The following ZNF662 variants were observed in gnomAD, a reference collection of about 807,000 sequenced individuals.
ZNF662 encodes zinc finger protein 662.
A neutral mutation model predicts 12.4 loss-of-function variants in ZNF662; 14 were observed. The ratio of observed to expected loss-of-function variants is 1.13; its 90% CI spans 0.75 to 1.77. The LOEUF (loss-of-function observed/expected upper bound fraction) is 1.77. Ranked by LOEUF, ZNF662 falls within the 40% of genes most tolerant of loss-of-function variation. The pLI is 0.00. For synonymous variants in ZNF662, 184 were observed against 176.4 expected (o/e 1.04, Z -0.34); for missense variants, 550 against 515.6 (o/e 1.07, Z -0.65).
intron 3 of ZNF662, among the ~76,000 whole-genome samples, chr3:42,911,374 G>A (rs1217878843): frequency 1.3e-5 from 2 of 152,202 alleles, no homozygotes; most frequent in Non-Finnish European, 2.9e-5. Flanking sequence ...ACAGTGGGGA[G>A]TAGTGGAAGG....
chr3:42,912,693 A>ATTTT (rs55883208), intron 3 of ZNF662, among the ~76,000 whole-genome samples: 11 of 53,094 alleles, frequency 2.1e-4, no homozygotes, highest in Non-Finnish European at 3.1e-4. Context: ...ATATATATAT[A>ATTTT]TTTTATATAT....
At position 42,913,318 on chromosome 3, in the gene ZNF662, A is replaced by G. The variant is rs565673453; in HGVS notation, c.253+16A>G. 2.5e-6 allele frequency: 4 copies of G among 1,580,560 alleles called. No individual in the cohort carries two copies. In the African/African-American group the frequency reaches 4.0e-5, roughly 16 times the overall value. On this transcript the variant is annotated intron_variant, in intron 4 of 4. Transcript: ENST00000440367. ...ATTTGTCCGGGTAAGTGAGAGGGAA[A>G]TGAGCATTCTTCTCTCAGTCACATC...
chr3:42,907,650 C>G lies in ZNF662; in HGVS notation c.-93-372C>G, dbSNP rs2088702241. 1.8e-5 allele frequency: 18 copies of G among 980,008 alleles called. No homozygotes were observed. In the South Asian group the frequency reaches 6.1e-4, roughly 33 times the overall value. The allele number at this position is 980,008 out of a possible 1,614,324, so 60.7% of individuals were successfully genotyped here. On this transcript the variant is annotated intron_variant, in intron 1 of 4. Transcript: ENST00000440367. ...ATATATGTCAAGTGCTTGGCACAGGCTTAATAAATGATAGTTGTTATCAAG... is the reference window on the plus strand; with the variant it reads ...ATATATGTCAAGTGCTTGGCACAGGGTTAATAAATGATAGTTGTTATCAAG...
chr3:42,914,148 G>A (rs1042726778), intron 4 of ZNF662, among the ~76,000 whole-genome samples, 179 bp from the exon 5 acceptor site: 2 of 148,504 alleles, frequency 1.3e-5, no homozygotes, highest in African/African-American at 5.0e-5. Context: ...TCTAGTTGCT[G>A]TCTTTACTTT....
In ZNF662 at chr3:42,912,541, A is replaced by G. The variant is rs13079888; in HGVS notation, c.152-660A>G. Reference sequence around the variant, plus strand: ...ATTTAATATATAAATACATATATTTATATATTTAATATAAATATATATATA... The same window carrying G: ...ATTTAATATATAAATACATATATTTGTATATTTAATATAAATATATATATA... On this transcript the variant is annotated intron_variant, in intron 3 of 4. Coordinates refer to ENST00000440367, the MANE Select transcript of ZNF662 (RefSeq NM_207404.4). 5.9e-5 allele frequency among the ~76,000 whole-genome samples: 2 copies of G among 33,960 alleles called. 1 individual carries two copies. Among genetic ancestry groups the G allele is most frequent in the South Asian group, 4.7e-3 (2 of 428 alleles). The allele number at this position is 33,960 out of a possible 152,430, so 22.3% of individuals were successfully genotyped here. A position where few individuals can be genotyped will look rare whatever the true frequency, so the allele number is the denominator to read the frequency against.
chr3:42,914,025 G>A (rs2088864633), intron 4 of ZNF662, among the ~76,000 whole-genome samples: 1 of 151,648 alleles, frequency 6.6e-6, no homozygotes, highest in African/African-American at 2.4e-5. Flanking sequence ...ACTGTACTCA[G>A]CTACCTAGGA....
chr3:42,906,506 G>T lies in ZNF662; in HGVS notation c.-94+338G>T. 2 of 1,340,850 alleles carry T rather than the reference G, an allele frequency of 1.5e-6. No individual in the cohort carries two copies. Among genetic ancestry groups the T allele is most frequent in the Admixed American group, 3.4e-5 (1 of 29,612 alleles). The allele number at this position is 1,340,850 out of a possible 1,614,324, so 83.1% of individuals were successfully genotyped here. On this transcript the variant is annotated intron_variant, in intron 1 of 4. Coordinates refer to ENST00000440367, the MANE Select transcript of ZNF662 (RefSeq NM_207404.4). This position sits in a 1 kb window ranked among gnomAD's most constrained non-coding sequence, Gnocchi z 4.4. ...GCCCTGGGTTCTAGGCCCGGAGACGGGGTGGTGCGGCGGCTGGGAAATGGG... is the reference window on the plus strand; with the variant it reads ...GCCCTGGGTTCTAGGCCCGGAGACGTGGTGGTGCGGCGGCTGGGAAATGGG...
At position 42,915,976 on chromosome 3, in the gene ZNF662, T is replaced by G. The variant is rs913077682; in HGVS notation, c.*622T>G. On this transcript the variant is annotated 3_prime_UTR_variant, in exon 5 of 5. Coordinates refer to ENST00000440367, the MANE Select transcript of ZNF662 (RefSeq NM_207404.4). Reference sequence around the variant, plus strand: ...TCTTTTAATCTTAACCCCAGCTAAATGACTCTGAGGACCAACAGTACATTT... The same window carrying G: ...TCTTTTAATCTTAACCCCAGCTAAAGGACTCTGAGGACCAACAGTACATTT... 2.6e-5 allele frequency: 4 copies of G among 152,156 alleles called. No homozygotes were observed. Among genetic ancestry groups the G allele is most frequent in the African/African-American group, 9.6e-5 (4 of 41,454 alleles). The allele number at this position is 152,156 out of a possible 1,614,324, so 9.4% of individuals were successfully genotyped here.
Position 42,917,301 on chromosome 3 carries a change from A to C in ZNF662, c.*1947A>C, listed in dbSNP as rs919734387. On this transcript the variant is annotated 3_prime_UTR_variant, in exon 5 of 5. Coordinates refer to ENST00000440367, the MANE Select transcript of ZNF662 (RefSeq NM_207404.4). ...ATCCCATCCCCTTGGCCACAGAGCCATTGTGATATGAGGAGATACTGGCTC... is the reference window on the plus strand; with the variant it reads ...ATCCCATCCCCTTGGCCACAGAGCCCTTGTGATATGAGGAGATACTGGCTC... 4 of 575,410 alleles carry C rather than the reference A, an allele frequency of 7.0e-6. No individual in the cohort carries two copies. The highest frequency in any genetic ancestry group is 5.7e-5 in the African/African-American group (3 of 52,752). The allele number at this position is 575,410 out of a possible 1,614,324, so 35.6% of individuals were successfully genotyped here. A position where few individuals can be genotyped will look rare whatever the true frequency, so the allele number is the denominator to read the frequency against.
intron 3 of ZNF662, among the ~76,000 whole-genome samples, chr3:42,910,834 A>AT (rs2088777257): frequency 6.6e-6 from 1 of 152,172 alleles, no homozygotes; most frequent in Admixed American, 6.5e-5. Context: ...GTCTTTTCAT[A>AT]TTAGAATACT....
rs1297708857 is a variant in ZNF662 at position 42,918,561 on chromosome 3, G to T, written c.*3207G>T. On this transcript the variant is annotated 3_prime_UTR_variant, in exon 5 of 5. Transcript: ENST00000440367. ...ATGGGCATGTTTAGGCAATCCCCCT[G>T]TGCACAATGACCTGGGCAGCATTTG... Among the ~76,000 whole-genome samples the T allele has an allele frequency of 1.3e-5, 2 of 152,156 alleles. No homozygotes were observed. Among genetic ancestry groups the T allele is most frequent in the Non-Finnish European group, 2.9e-5 (2 of 68,032 alleles).
At chr3:42,914,125 C>T (rs978696495) in intron 4 of ZNF662, among the ~76,000 whole-genome samples, 4 of 148,734 alleles carry the variant, frequency 2.7e-5, no homozygotes, top group East Asian at 3.9e-4. Context: ...AATCATAGCC[C>T]GCAGGGATTC....
chr3:42,914,050 G>T (rs1304664632), intron 4 of ZNF662, among the ~76,000 whole-genome samples: 1 of 151,148 alleles, frequency 6.6e-6, no homozygotes, highest in Non-Finnish European at 1.5e-5. Flanking sequence ...TTCTGACTTT[G>T]TTTTCCTTAG....
chr3:42,915,360 G>A lies in ZNF662; in HGVS notation c.*6G>A. On this transcript the variant is annotated 3_prime_UTR_variant, in exon 5 of 5. Coordinates refer to ENST00000440367, the MANE Select transcript of ZNF662 (RefSeq NM_207404.4). Reference sequence around the variant, plus strand: ...CTCACCTTCTTGAACATTAGAGAGTGCATAATGGTGATACTTGTTTATAAT... The same window carrying A: ...CTCACCTTCTTGAACATTAGAGAGTACATAATGGTGATACTTGTTTATAAT... 1 of 1,535,904 alleles carries A rather than the reference G, an allele frequency of 6.5e-7. No homozygotes were observed.
chr3:42,917,743 C>T lies in ZNF662; in HGVS notation c.*2389C>T. On this transcript the variant is annotated 3_prime_UTR_variant, in exon 5 of 5. Transcript: ENST00000440367. ...TACAGCTCCTCAGTGTCACCTTTTC[C>T]TCTTGCTCAGTAGTCTCATAAGCTT... is the stretch of plus-strand genomic sequence containing the variant. 1.7e-6 allele frequency: 1 copy of T among 600,808 alleles called. No individual in the cohort carries two copies. Among genetic ancestry groups the T allele is most frequent in the Non-Finnish European group, 2.9e-6 (1 of 340,578 alleles). The allele number at this position is 600,808 out of a possible 1,614,324, so 37.2% of individuals were successfully genotyped here. A position where few individuals can be genotyped will look rare whatever the true frequency, so the allele number is the denominator to read the frequency against.
In ZNF662 at chr3:42,913,093, C is replaced by T. The variant is rs926279714; in HGVS notation, c.152-108C>T. On this transcript the variant is annotated intron_variant, in intron 3 of 4. Coordinates refer to ENST00000440367, the MANE Select transcript of ZNF662 (RefSeq NM_207404.4). ...ATTTCTGCTTATCTATGTTACCAAT[C>T]TTTTCACCCACCTTTATTCTCTCCC... 6.9e-5 allele frequency: 52 copies of T among 758,168 alleles called. 1 individual carries two copies. Among genetic ancestry groups the T allele is most frequent in the South Asian group, 3.8e-4 (24 of 62,408 alleles). 47.0% of individuals were successfully genotyped at this position (758,168 alleles called of 1,614,324 possible). A position where few individuals can be genotyped will look rare whatever the true frequency, so the allele number is the denominator to read the frequency against.
chr3:42,912,339 TATATATC>T (rs1369466436), intron 3 of ZNF662, among the ~76,000 whole-genome samples: 5 of 107,554 alleles, frequency 4.6e-5, no homozygotes, highest in African/African-American at 7.5e-5. Context: ...TTATATATGA[TATATATC>T]ATATATAATT....
chr3:42,917,594 A>G lies in ZNF662; in HGVS notation c.*2240A>G, dbSNP rs759505851. The G allele has an allele frequency of 8.2e-5, 57 of 694,864 alleles. No homozygotes were observed. In the South Asian group the frequency reaches 8.4e-4, roughly 10 times the overall value. 43.0% of individuals were successfully genotyped at this position (694,864 alleles called of 1,614,324 possible). A position where few individuals can be genotyped will look rare whatever the true frequency, so the allele number is the denominator to read the frequency against. On this transcript the variant is annotated 3_prime_UTR_variant, in exon 5 of 5. Coordinates refer to ENST00000440367, the MANE Select transcript of ZNF662 (RefSeq NM_207404.4). ...ACCAAGCTTTACCTGAAGCAGAGCT[A>G]CCTCAGAACTTTTCAGCTATGTGAG...
At chr3:42,913,139 T>C in intron 3 of ZNF662, 62 bp from the exon 4 acceptor site, 6 of 1,251,222 alleles carry the variant, frequency 4.8e-6, no homozygotes, top group Non-Finnish European at 4.7e-6. Flanking sequence ...ATGTCTGCTC[T>C]TTTCCTGATG....
Sources: allele counts gnomAD v4.1 joint callset (sites outside exome capture counted in the v4.1 genomes callset), GRCh38; gene constraint gnomAD v4.1.1; non-coding constraint Gnocchi (gnomAD v3.1); transcripts MANE v1.5; gene names NCBI Gene and HGNC (gene_info 2026-07-23, HGNC 2026-07-21).